OPLAH: variants seen among roughly 807,000 people sequenced by gnomAD.
OPLAH encodes the protein 5-oxoprolinase, ATP-hydrolysing.
In OPLAH, 103 loss-of-function variants were observed where a neutral mutation model predicts 122.8. The observed-to-expected ratio is 0.84, with a 90% CI of 0.71 to 0.99. The LOEUF is 0.99. Ranked by LOEUF, OPLAH falls within the 50% of genes least tolerant of loss-of-function variation. OPLAH has a pLI of 0.00. For missense variants in OPLAH, 1,902 were observed against 1,836.5 expected (o/e 1.04, Z -0.65); for synonymous variants, 875 against 796.0 (o/e 1.10, Z -1.67).
Position 144,052,794 on chromosome 8 carries a change from A to G in OPLAH, c.3125T>C (p.Leu1042Pro). 6.4e-7 allele frequency: 1 copy of G among 1,564,024 alleles called. No individual in the cohort carries two copies. Among genetic ancestry groups the G allele is most frequent in the Non-Finnish European group, 8.7e-7 (1 of 1,155,398 alleles). Residue 1042 changes from leucine to proline, a missense_variant, in exon 22 of 27, where the codon CTG becomes CCG. Around this residue, in one of 3 missense-constraint regions of OPLAH, gnomAD observed 1,726 missense variants for 1,642.1 expected, o/e 1.05. Transcript: ENST00000618853. ...LSALIYCLRC[L>P]VGRDIPLNQG... Reference sequence around the variant, plus strand: ...GTTGAGTGGGATGTCGCGGCCCACCAGACAGCGCAGGCAGTAGATGAGGGC... The same window carrying G: ...GTTGAGTGGGATGTCGCGGCCCACCGGACAGCGCAGGCAGTAGATGAGGGC...
At chr8:144,060,925 G>A (rs1587570764), upstream of OPLAH, among the ~76,000 whole-genome samples, 2 of 152,248 alleles carry the variant, frequency 1.3e-5, no homozygotes, top group East Asian at 3.9e-4. Flanking sequence ...TAGCGTGGGC[G>A]CCCCAGGATC....
At chr8:144,053,593 G>A (rs553643249) in intron 19 of OPLAH, among the ~76,000 whole-genome samples, 200 bp from the exon 20 acceptor site, 2 of 152,204 alleles carry the variant, frequency 1.3e-5, no homozygotes, top group Middle Eastern at 6.8e-3. Flanking sequence ...CCTCTGCAGT[G>A]TGCCTGTGCA....
chr8:144,055,760 C>A lies in OPLAH; in HGVS notation c.2248+28G>T, dbSNP rs781925639. The A allele has an allele frequency of 6.7e-7, 1 of 1,482,628 alleles. No individual in the cohort carries two copies. The highest frequency in any genetic ancestry group is 2.5e-5 in the East Asian group (1 of 39,666). The allele number at this position is 1,482,628 out of a possible 1,614,324, so 91.8% of individuals were successfully genotyped here. On this transcript the variant is annotated intron_variant, in intron 16 of 26. Transcript: ENST00000618853. The surrounding 1 kb of genome is among the most constrained non-coding windows in gnomAD (Gnocchi z 6.5). ...CCATGACACAGCCGGCGCCTCATCC[C>A]ACAGGGAGCCTGGCAGCGGCCACTC...
Position 144,058,334 on chromosome 8 carries a change from G to A in OPLAH, c.854C>T (p.Ala285Val). The change falls in exon 7 of 27, where the codon GCT becomes GTT. Residue 285 changes from alanine to valine, a missense_variant. By Grantham distance (64) the Ala-to-Val change is moderately conservative (BLOSUM62 0). Transcript: ENST00000618853. ...GCCGCCGGCCGGGCCCGAGAGCACA[G>A]CACTGGAGCCGCTGAAGGTGTCCAT... is the stretch of plus-strand genomic sequence containing the variant. ...APMDTFSGSS[A>V]VLSGPAGGVV... is the part of the protein sequence containing the mutation. 14 of 1,599,972 alleles carry A rather than the reference G, an allele frequency of 8.8e-6. No individual in the cohort carries two copies. The highest frequency in any genetic ancestry group is 1.1e-5 in the Non-Finnish European group (13 of 1,175,606).
chr8:144,063,103 A>G (rs1554761155), upstream of OPLAH, among the ~76,000 whole-genome samples: 1 of 152,106 alleles, frequency 6.6e-6, no homozygotes, highest in Non-Finnish European at 1.5e-5. This position sits in a 1 kb window ranked among gnomAD's most constrained non-coding sequence, Gnocchi z 4.2. Flanking sequence ...CACAGCAACC[A>G]GAGGCAGCTC....
Position 144,059,003 on chromosome 8 carries a change from G to C in OPLAH, c.440C>G (p.Ala147Gly), listed in dbSNP as rs782068223. ...DERVVLHRGEAGTGTPVKGRT... is the reference protein window; with the variant it reads ...DERVVLHRGEGGTGTPVKGRT... ...ACCTTTCACAGGCGTCCCGGTGCCCGCCTCTCCACGGTGCAGCACCACGCG... is the reference window on the plus strand; with the variant it reads ...ACCTTTCACAGGCGTCCCGGTGCCCCCCTCTCCACGGTGCAGCACCACGCG... Residue 147 changes from alanine (A) to glycine (G), a missense_variant, in exon 4 of 27, where the codon GCG becomes GGG. Physicochemically the swap from Ala to Gly is moderately conservative, Grantham distance 60. Coordinates refer to ENST00000618853, the MANE Select transcript of OPLAH (RefSeq NM_017570.5). 6.3e-7 allele frequency: 1 copy of C among 1,577,220 alleles called. No individual in the cohort carries two copies. The highest frequency in any genetic ancestry group is 8.6e-7 in the Non-Finnish European group (1 of 1,163,210).
chr8:144,050,463 A>C (rs1397707792), downstream of OPLAH: 1 of 985,610 alleles, frequency 1.0e-6, no homozygotes, highest in Non-Finnish European at 1.2e-6. Flanking sequence ...GGAAAGGTCC[A>C]GCAGGAGAGG....
At position 144,059,808 on chromosome 8, in the gene OPLAH, A is replaced by G; in HGVS notation, c.172-18T>C. 6.2e-7 allele frequency: 1 copy of G among 1,609,024 alleles called. No individual in the cohort carries two copies. The highest frequency in any genetic ancestry group is 8.5e-7 in the Non-Finnish European group (1 of 1,178,174). On this transcript the variant is annotated intron_variant, in intron 2 of 26. Coordinates refer to ENST00000618853, the MANE Select transcript of OPLAH (RefSeq NM_017570.5). ...CCGGCCTCCTGGGGACCACGTGGTC[A>G]GTGTGGGGCTTCTGGCCGTGGGGTC...
Position 144,055,823 on chromosome 8 carries a change from A to G in OPLAH, c.2213T>C (p.Leu738Pro), listed in dbSNP as rs782644296. 1.9e-6 allele frequency: 3 copies of G among 1,565,522 alleles called. No homozygotes were observed. Among genetic ancestry groups the G allele is most frequent in the Non-Finnish European group, 2.6e-6 (3 of 1,156,272 alleles). ...CATGAAGCGGTGTGAGAAGATGGAC[A>G]GCTGGATAGGGTCCAGCTGGGGGCC... The part of the protein sequence containing the change: ...TVGPQLDPIQ[L>P]SIFSHRFMSI... The change falls in exon 16 of 27, where the codon CTG becomes CCG. Residue 738 changes from leucine to proline, a missense_variant. Coordinates refer to ENST00000618853, the MANE Select transcript of OPLAH (RefSeq NM_017570.5). The surrounding 1 kb of genome is among the most constrained non-coding windows in gnomAD (Gnocchi z 6.5).
Position 144,051,804 on chromosome 8 carries a change from G to C in OPLAH, c.3645C>G (p.Gly1215=). The stretch of plus-strand genomic sequence containing the variant: ...CGTTTTTGCGGATCAGCAGGTTTAG[G>C]CCGCGGGCGCCAGGCTCGCCCCCTG... The part of the protein sequence containing the change: ...GLHGGEPGAR[G]LNLLIRKNGR... Residue 1215 remains glycine, a synonymous_variant, in exon 26 of 27, where the codon GGC becomes GGG. Transcript: ENST00000618853. The C allele has an allele frequency of 6.3e-7, 1 of 1,598,348 alleles. No homozygotes were observed. Among genetic ancestry groups the C allele is most frequent in the Middle Eastern group, 1.7e-4 (1 of 5,942 alleles).
chr8:144,052,480 A>G lies in OPLAH; in HGVS notation c.3272T>C (p.Leu1091Pro). The G allele has an allele frequency of 6.4e-7, 1 of 1,556,250 alleles. No homozygotes were observed. Among genetic ancestry groups the G allele is most frequent in the Non-Finnish European group, 8.6e-7 (1 of 1,157,476 alleles). The change falls in exon 23 of 27, where the codon CTG becomes CCG. Residue 1091 changes from leucine (L) to proline (P), a missense_variant. Around this residue, in one of 3 missense-constraint regions of OPLAH, gnomAD observed 1,726 missense variants for 1,642.1 expected, o/e 1.05. Transcript: ENST00000618853. ...GGCGGCGCAGGCCCCAAAGGCCCCC[A>G]GGATGACATCCACCACGCGCTGCGA... is the stretch of plus-strand genomic sequence containing the variant. The part of the protein sequence containing the change: ...LTSQRVVDVI[L>P]GAFGACAASQ...
chr8:144,050,594 G>C (rs1039956177), downstream of OPLAH: 20 of 985,566 alleles, frequency 2.0e-5, no homozygotes, highest in African/African-American at 3.1e-4. Flanking sequence ...ATCCCTGCCG[G>C]CTGGGCACGC....
In OPLAH at chr8:144,053,203, GC is replaced by G. The variant is rs1554758172; in HGVS notation, c.2871+5del. On this transcript the variant is annotated splice_donor_5th_base_variant and intron_variant, in intron 20 of 26. Transcript: ENST00000618853. Reference sequence around the variant, plus strand: ...CTGCCGCCCACACTCCTGTGCCCAGGCCCACCTGAATATGGCCCATGTAGGC... The same window carrying G: ...CTGCCGCCCACACTCCTGTGCCCAGGCCACCTGAATATGGCCCATGTAGGC... 1 of 1,612,168 alleles carries G rather than the reference GC, an allele frequency of 6.2e-7. No individual in the cohort carries two copies. The highest frequency in any genetic ancestry group is 1.7e-5 in the Admixed American group (1 of 59,908).
chr8:144,063,515 G>A (rs1255324304), upstream of OPLAH, among the ~76,000 whole-genome samples: 5 of 152,152 alleles, frequency 3.3e-5, no homozygotes, highest in African/African-American at 9.7e-5. This position sits in a 1 kb window ranked among gnomAD's most constrained non-coding sequence, Gnocchi z 4.2. Context: ...GGAAAGCCGC[G>A]CCCCAGCCTG....
upstream of OPLAH, among the ~76,000 whole-genome samples, chr8:144,063,283 C>T (rs1554761197): frequency 6.6e-6 from 1 of 152,212 alleles, no homozygotes; most frequent in African/African-American, 2.4e-5. This position sits in a 1 kb window ranked among gnomAD's most constrained non-coding sequence, Gnocchi z 4.2. Flanking sequence ...CGCAATCTGC[C>T]AGAAGTCCTG....
chr8:144,057,818 G>A lies in OPLAH; in HGVS notation c.1156+38C>T, dbSNP rs190672835. ...AGGGGCTGGGCCTGCGGCGGCAAGC[G>A]GAGGGCAAGGCCAGGCCGGCCAGAT... On this transcript the variant is annotated intron_variant, in intron 9 of 26. Transcript: ENST00000618853. The A allele has an allele frequency of 9.4e-4, 1,513 of 1,604,842 alleles. 3 individuals are homozygous for A. In the African/African-American group the frequency reaches 0.013, roughly 14 times the overall value.
In OPLAH at chr8:144,052,116, C is replaced by T. The variant is rs782710157; in HGVS notation, c.3462-40G>A. On this transcript the variant is annotated intron_variant, in intron 24 of 26. Transcript: ENST00000618853. ...ACGAGGGCAAAGACTCAGCGTGGCC[C>T]GAGCCCCGGCTCCCACCCGGCCGTG... The T allele has an allele frequency of 7.1e-6, 11 of 1,551,668 alleles. No individual in the cohort carries two copies. In the African/African-American group the frequency reaches 1.2e-4, roughly 18 times the overall value.
chr8:144,057,124 G>C lies in OPLAH; in HGVS notation c.1536-6C>G. 1 of 1,595,658 alleles carries C rather than the reference G, an allele frequency of 6.3e-7. No homozygotes were observed. Among genetic ancestry groups the C allele is most frequent in the Admixed American group, 1.8e-5 (1 of 57,092 alleles). ...CCGACAGCAGCCCACTGTGCCTGCA[G>C]GGATGGGCAGCATGGCAATGGGAGG... On this transcript the variant is annotated splice_region_variant and splice_polypyrimidine_tract_variant and intron_variant, in intron 11 of 26. Transcript: ENST00000618853.
At position 144,058,772 on chromosome 8, in the gene OPLAH, C is replaced by A; in HGVS notation, c.587+1G>T. The A allele has an allele frequency of 6.3e-7, 1 of 1,597,774 alleles. No homozygotes were observed. The highest frequency in any genetic ancestry group is 8.5e-7 in the Non-Finnish European group (1 of 1,170,370). On this transcript the variant is annotated splice_donor_variant, in intron 5 of 26. Transcript: ENST00000618853. LOFTEE classifies it high-confidence loss of function. ...GCAGCCCACAGCCCCACCTCACTCA[C>A]GTGTACGAGTGCATGAGCACCACAG... is the stretch of plus-strand genomic sequence containing the variant.
Sources: gnomAD v4.1 joint callset for allele counts (sites outside exome capture counted in the v4.1 genomes callset) on GRCh38, gnomAD v4.1.1 for gene constraint, gnomAD v4.1.1 regional missense constraint, Gnocchi (gnomAD v3.1) non-coding constraint, MANE v1.5 for transcripts, NCBI Gene and HGNC (gene_info 2026-07-23, HGNC 2026-07-21) for gene names.